Variants in COBL observed in about 807,000 individuals in gnomAD.
COBL encodes the protein cordon-bleu WH2 repeat protein, also known as protein cordon-bleu.
Under a neutral mutation model 98.8 loss-of-function variants are expected in COBL, and 51 were observed. That is an observed-to-expected ratio of 0.52 (90% confidence interval 0.41 to 0.65). COBL has a LOEUF of 0.65. COBL is among the 30% of genes least tolerant of loss of function. The pLI, the probability that COBL is intolerant of heterozygous loss-of-function variation, is 0.00. For missense variants in COBL, 1,617 were observed against 1,617.5 expected (o/e 1.00, Z 0.01); for synonymous variants, 634 against 651.7 (o/e 0.97, Z 0.41).
At chr7:51,283,070 G>A (rs1478050931) in intron 1 of COBL, among the ~76,000 whole-genome samples, 2 of 152,112 alleles carry the variant, frequency 1.3e-5, no homozygotes, top group Non-Finnish European at 2.9e-5. Context: ...GTATATAAGA[G>A]AGGAAAATTC....
At chr7:51,281,308 C>T (rs1189494877) in intron 1 of COBL, among the ~76,000 whole-genome samples, 1 of 152,074 alleles carries the variant, frequency 6.6e-6, no homozygotes, top group Admixed American at 6.6e-5. Flanking sequence ...GGGGCAATAC[C>T]AACAGGTCTA....
At chr7:51,069,675 C>T (rs557759458) in intron 7 of COBL, among the ~76,000 whole-genome samples, 1 of 152,348 alleles carries the variant, frequency 6.6e-6, no homozygotes, top group East Asian at 1.9e-4. Flanking sequence ...CATCCATTTC[C>T]ATCCTGTGGT....
chr7:51,084,803 A>G (rs1180746521), intron 7 of COBL, among the ~76,000 whole-genome samples: 1 of 152,114 alleles, frequency 6.6e-6, no homozygotes, highest in African/African-American at 2.4e-5. Flanking sequence ...GAAATGCCAA[A>G]TGTCCTTCAA....
At chr7:51,105,229 G>A (rs183086208) in intron 6 of COBL, among the ~76,000 whole-genome samples, 93 of 152,182 alleles carry the variant, frequency 6.1e-4, no homozygotes, top group African/African-American at 2.2e-3. Context: ...GCTGTTTTTC[G>A]TGTCTCCGAG....
intron 1 of COBL, among the ~76,000 whole-genome samples, chr7:51,252,315 C>A (rs984423317): frequency 2.6e-5 from 4 of 152,178 alleles, no homozygotes; most frequent in African/African-American, 4.8e-5. Context: ...CAATTTTAGA[C>A]TCTTTTTATC....
intron 2 of COBL, among the ~76,000 whole-genome samples, chr7:51,195,788 C>T (rs1165209994): frequency 6.6e-6 from 1 of 152,080 alleles, no homozygotes; most frequent in African/African-American, 2.4e-5. Flanking sequence ...CCTGATTTGG[C>T]TCTCAGTTTA....
chr7:51,286,234 A>G (rs886788298), intron 1 of COBL, among the ~76,000 whole-genome samples: 4 of 151,322 alleles, frequency 2.6e-5, no homozygotes, highest in Admixed American at 2.6e-4. Flanking sequence ...TCTAGAGCAT[A>G]AAGTTTAAAA....
At chr7:51,305,580 G>A (rs1306296900) in intron 1 of COBL, among the ~76,000 whole-genome samples, 7 of 152,072 alleles carry the variant, frequency 4.6e-5, no homozygotes, top group African/African-American at 1.7e-4. Flanking sequence ...ATCATAAGGA[G>A]GATAAATTAC....
intron 7 of COBL, among the ~76,000 whole-genome samples, chr7:51,059,262 T>A (rs1791082748): frequency 6.6e-6 from 1 of 152,252 alleles, no homozygotes; most frequent in Non-Finnish European, 1.5e-5. Context: ...AGTGTTTTGG[T>A]CTTTATTTCG....
intron 1 of COBL, among the ~76,000 whole-genome samples, chr7:51,231,704 C>T (rs1253023960): frequency 6.6e-6 from 1 of 152,166 alleles, no homozygotes; most frequent in African/African-American, 2.4e-5. Context: ...TTAGAAGGGG[C>T]CTGAACCAGA....
chr7:51,235,986 G>A (rs955248813), intron 1 of COBL, among the ~76,000 whole-genome samples: 2 of 151,846 alleles, frequency 1.3e-5, no homozygotes, highest in Non-Finnish European at 2.9e-5. Flanking sequence ...CAGAAACCCC[G>A]ACATCCCCTT....
chr7:51,255,760 C>T (rs2108798), intron 1 of COBL, among the ~76,000 whole-genome samples: 7,024 of 152,278 alleles, frequency 0.046, 220 homozygotes, highest in Non-Finnish European at 0.073. Context: ...GTGGTGTCAC[C>T]TCAGGAGGTT....
In COBL at chr7:51,025,258, G is replaced by GTGGGGGGGGGGGGGCA; in HGVS notation, c.3618_3619insTGCCCCCCCCCCCCCA (p.Pro1207CysfsTer86). The GTGGGGGGGGGGGGGCA allele has an allele frequency of 1.4e-6, 1 of 725,722 alleles. No homozygotes were observed. The highest frequency in any genetic ancestry group is 4.1e-4 in the Middle Eastern group (1 of 2,414). 45.0% of individuals were successfully genotyped at this position (725,722 alleles called of 1,614,324 possible). On this transcript the variant is annotated frameshift_variant, in exon 12 of 13. Transcript: ENST00000265136. LOFTEE classifies it high-confidence loss of function. ...TGGGAGGGTGGAGGGGGTGGTGGGGGAATGGCTGGTGGGGACAGAAGACCA... is the reference window on the plus strand; with the variant it reads ...TGGGAGGGTGGAGGGGGTGGTGGGGGTGGGGGGGGGGGGGCAAATGGCTGGTGGGGACAGAAGACCA...
chr7:51,203,317 C>A (rs972170805), intron 2 of COBL, among the ~76,000 whole-genome samples: 2 of 124,522 alleles, frequency 1.6e-5, no homozygotes, highest in South Asian at 5.9e-4. Context: ...AAAAAATTAG[C>A]CGGGTGTAGT....
chr7:51,155,610 AAAAAAAAAG>A, intron 5 of COBL, among the ~76,000 whole-genome samples: 1 of 150,126 alleles, frequency 6.7e-6, no homozygotes, highest in Non-Finnish European at 1.5e-5. Flanking sequence ...AAAAAAAAAA[AAAAAAAAAG>A]AAGACTGCAC....
chr7:51,109,927 G>A (rs2128975559), intron 6 of COBL, among the ~76,000 whole-genome samples: 1 of 152,250 alleles, frequency 6.6e-6, no homozygotes, highest in Admixed American at 6.5e-5. Context: ...GAGGAAGAAT[G>A]ACACAGGCGA....
chr7:51,019,704 G>C (rs1033909150), intron 12 of COBL, among the ~76,000 whole-genome samples: 1 of 152,172 alleles, frequency 6.6e-6, no homozygotes, highest in Non-Finnish European at 1.5e-5. Context: ...CACACGCAAA[G>C]AGTCTGCAAA....
chr7:51,195,269 G>C (rs1427402973), intron 2 of COBL, among the ~76,000 whole-genome samples: 2 of 152,150 alleles, frequency 1.3e-5, no homozygotes, highest in Non-Finnish European at 2.9e-5. Context: ...TTATTGAATA[G>C]GGAGTTATTT....
chr7:51,224,706 A>G (rs1164611886), intron 1 of COBL, among the ~76,000 whole-genome samples: 1 of 150,920 alleles, frequency 6.6e-6, no homozygotes, highest in African/African-American at 2.4e-5. Context: ...TTTGAGATGG[A>G]CGGCAATGGC....
Sources: allele counts gnomAD v4.1 joint callset (sites outside exome capture counted in the v4.1 genomes callset), GRCh38; gene constraint gnomAD v4.1.1; transcripts MANE v1.5; gene names NCBI Gene and HGNC (gene_info 2026-07-23, HGNC 2026-07-21).